The following HFM1 variants were observed in gnomAD, a reference collection of about 807,000 sequenced individuals.
HFM1 encodes probable ATP-dependent DNA helicase HFM1.
A neutral mutation model predicts 192.1 loss-of-function variants in HFM1; 169 were observed. That is an observed-to-expected ratio of 0.88 (90% CI 0.78 to 1.00). HFM1 has a LOEUF of 1.00. HFM1 is among the 50% of genes least tolerant of loss of function. The pLI is 0.00. For missense variants in HFM1, 1,661 were observed against 1,668.0 expected (o/e 1.00, Z 0.07); for synonymous variants, 525 against 537.8 (o/e 0.98, Z 0.33).
intron 4 of HFM1, among the ~76,000 whole-genome samples, chr1:91,393,613 G>A (rs1461627436): frequency 6.6e-6 from 1 of 152,014 alleles, no homozygotes; most frequent in Non-Finnish European, 1.5e-5. Flanking sequence ...TGATACCACT[G>A]TCCTAGGTCA....
rs577221242 is a variant in HFM1 at position 91,328,306 on chromosome 1, A to G, written c.2336-3540T>C. On this transcript the variant is annotated intron_variant, in intron 20 of 38. Coordinates refer to ENST00000370425, the MANE Select transcript of HFM1 (RefSeq NM_001017975.6). ...AAAGTGGGCTTAGGACCGCCTGCCC[A>G]GGGCAACCCTGAATCAAGCTTTAGC... is the stretch of plus-strand genomic sequence containing the variant. The G allele has an allele frequency of 1.3e-5, 17 of 1,345,546 alleles. 1 individual carries two copies. The East Asian group carries it at 3.9e-4, about 31-fold the overall frequency. 83.4% of individuals were successfully genotyped at this position (1,345,546 alleles called of 1,614,324 possible).
At chr1:91,331,846 A>C (rs2101524377) in intron 20 of HFM1, among the ~76,000 whole-genome samples, 1 of 152,324 alleles carries the variant, frequency 6.6e-6, no homozygotes, top group African/African-American at 2.4e-5. Context: ...CAGTGAGCCA[A>C]GATCGCACCA....
intron 30 of HFM1, among the ~76,000 whole-genome samples, chr1:91,304,056 TA>T (rs1396919224): frequency 6.6e-6 from 1 of 152,104 alleles, no homozygotes; most frequent in Non-Finnish European, 1.5e-5. Flanking sequence ...GGTTTCACCA[TA>T]TTGGCCAGGG....
At chr1:91,403,095 C>T (rs939806961) in intron 1 of HFM1, among the ~76,000 whole-genome samples, 2 of 152,024 alleles carry the variant, frequency 1.3e-5, no homozygotes, top group African/African-American at 4.8e-5. Context: ...CCTCTCATTC[C>T]GCATTATTTT....
intron 30 of HFM1, among the ~76,000 whole-genome samples, chr1:91,305,133 G>A (rs1649414569): frequency 6.6e-6 from 1 of 152,060 alleles, no homozygotes; most frequent in Non-Finnish European, 1.5e-5. Context: ...TTCTTTTCAA[G>A]GTTGGCTTAG....
At chr1:91,318,273 T>C (rs977432219) in intron 25 of HFM1, among the ~76,000 whole-genome samples, 3 of 152,122 alleles carry the variant, frequency 2.0e-5, no homozygotes, top group African/African-American at 7.2e-5. Flanking sequence ...CCCCACTGAT[T>C]TCAAATTTCC....
chr1:91,394,036 T>TG, intron 4 of HFM1, 57 bp downstream of exon 4: 2 of 946,886 alleles, frequency 2.1e-6, no homozygotes, highest in Non-Finnish European at 3.1e-6. Flanking sequence ...TACTTTTATA[T>TG]GTACAAATAT....
At chr1:91,390,090 A>C (rs166856) in intron 4 of HFM1, among the ~76,000 whole-genome samples, 1 of 152,234 alleles carries the variant, frequency 6.6e-6, no homozygotes, top group Non-Finnish European at 1.5e-5. Flanking sequence ...ACTGATAAGT[A>C]AATAAACAAA....
intron 13 of HFM1, among the ~76,000 whole-genome samples, chr1:91,358,115 C>G (rs937923353): frequency 6.6e-6 from 1 of 151,816 alleles, no homozygotes. Flanking sequence ...TTTGGGATGC[C>G]GAGATGGGTG....
chr1:91,357,191 A>C (rs1352903774), intron 13 of HFM1, among the ~76,000 whole-genome samples: 2 of 152,244 alleles, frequency 1.3e-5, no homozygotes, highest in Non-Finnish European at 2.9e-5. Flanking sequence ...TATTGATGCA[A>C]AAATCCTCAA....
At chr1:91,326,711 AAC>A (rs1426370616) in intron 20 of HFM1, among the ~76,000 whole-genome samples, 3 of 152,222 alleles carry the variant, frequency 2.0e-5, no homozygotes, top group Non-Finnish European at 2.9e-5. Context: ...CACACAGAAA[AAC>A]ACAGAATATT....
chr1:91,370,937 T>C (rs969266417), intron 13 of HFM1, among the ~76,000 whole-genome samples: 2 of 152,020 alleles, frequency 1.3e-5, no homozygotes, highest in Non-Finnish European at 2.9e-5. Flanking sequence ...AGCATTCTTA[T>C]ACACCAATAA....
Position 91,404,193 on chromosome 1 carries a change from C to T in HFM1, c.-28+605G>A, listed in dbSNP as rs76949741. Among the ~76,000 whole-genome samples the T allele has an allele frequency of 4.3e-4, 66 of 152,344 alleles. No individual in the cohort carries two copies. In the East Asian group the frequency reaches 0.013, roughly 29 times the overall value. ...GGAGCCCCAGATCTCACCCCCTCTC[C>T]CCAGGCACCAACAGGGCTGGCTGGA... On this transcript the variant is annotated intron_variant, in intron 1 of 38. Transcript: ENST00000370425.
intron 20 of HFM1, among the ~76,000 whole-genome samples, chr1:91,326,975 C>T (rs975354436): frequency 6.6e-6 from 1 of 152,042 alleles, no homozygotes; most frequent in East Asian, 1.9e-4. Context: ...GGTTACGAGA[C>T]AGTATTTGCA....
intron 20 of HFM1, among the ~76,000 whole-genome samples, chr1:91,328,194 G>A (rs1653206805): frequency 6.6e-6 from 1 of 152,156 alleles, no homozygotes; most frequent in African/African-American, 2.4e-5. Flanking sequence ...TTCTAGAAAA[G>A]GTTAACAAAA....
In HFM1 at chr1:91,378,469, A is replaced by C. The variant is rs1002472538; in HGVS notation, c.1170T>G (p.Asp390Glu). The C allele has an allele frequency of 1.0e-5, 16 of 1,598,974 alleles. No individual in the cohort carries two copies. The highest frequency in any genetic ancestry group is 1.2e-5 in the Non-Finnish European group (14 of 1,168,838). The change falls in exon 10 of 39, where the codon GAT becomes GAG. Residue 390 changes from aspartate (D) to glutamate (E), a missense_variant. Physicochemically the swap from Asp to Glu is conservative, Grantham distance 45. Coordinates refer to ENST00000370425, the MANE Select transcript of HFM1 (RefSeq NM_001017975.6). ...TGTCTCTCCATTTCCTAGTCATGCT[A>C]TCCCATTTTTCCTAGAGAGAAAAAA... ...HIIMTTPEKW[D>E]SMTRKWRDNS... is the part of the protein sequence containing the mutation.
intron 38 of HFM1, 28 bp from the exon 39 acceptor site, chr1:91,261,387 A>G: frequency 9.0e-7 from 1 of 1,105,250 alleles, no homozygotes; most frequent in Non-Finnish European, 1.2e-6. Context: ...AAGTAAAAAT[A>G]ACTATTTTTT....
At chr1:91,318,952 TTA>T in intron 25 of HFM1, 124 bp downstream of exon 25, 1 of 895,962 alleles carries the variant, frequency 1.1e-6, no homozygotes. Flanking sequence ...AGTACAGCAC[TTA>T]TTTAAGCCTA....
At chr1:91,343,597 G>T in intron 19 of HFM1, 87 bp from the exon 20 acceptor site, 1 of 546,704 alleles carries the variant, frequency 1.8e-6, no homozygotes, top group Non-Finnish European at 3.2e-6. Flanking sequence ...CTAAAGTTGT[G>T]CTATTACTGT....
Sources: allele counts gnomAD v4.1 joint callset (sites outside exome capture counted in the v4.1 genomes callset), GRCh38; gene constraint gnomAD v4.1.1; transcripts MANE v1.5; gene names NCBI Gene and HGNC (gene_info 2026-07-23, HGNC 2026-07-21).